Variants in FTO observed in about 807,000 individuals in gnomAD.
FTO encodes the protein alpha-ketoglutarate-dependent dioxygenase FTO.
FTO carries 47 observed loss-of-function variants against 63.9 expected under a neutral mutation model. The ratio of observed to expected loss-of-function variants is 0.74; its 90% CI spans 0.58 to 0.94. FTO has a LOEUF of 0.94. Ranked by LOEUF, FTO falls within the 40% of genes least tolerant of loss-of-function variation. FTO has a pLI of 0.00. For synonymous variants in FTO, 207 were observed against 224.4 expected (o/e 0.92, Z 0.69); for missense variants, 562 against 618.1 (o/e 0.91, Z 0.96).
At chr16:53,732,344 C>G (rs1041567493) in intron 1 of FTO, among the ~76,000 whole-genome samples, 1 of 152,234 alleles carries the variant, frequency 6.6e-6, no homozygotes, top group Non-Finnish European at 1.5e-5. Flanking sequence ...AGCCACCATG[C>G]CTGGCCCATT....
chr16:53,991,417 C>G (rs2143908052), intron 8 of FTO: 1 of 152,248 alleles, frequency 6.6e-6, no homozygotes, highest in South Asian at 2.1e-4. Context: ...CCGGGAGAAG[C>G]CAGGACAGAG....
At chr16:53,787,179 C>T (rs945332469) in intron 1 of FTO, among the ~76,000 whole-genome samples, 1 of 133,286 alleles carries the variant, frequency 7.5e-6, no homozygotes, top group Admixed American at 7.8e-5. Flanking sequence ...AGAGCGCATA[C>T]ACCTTCAATT....
intron 1 of FTO, among the ~76,000 whole-genome samples, chr16:53,783,615 A>ATC (rs2077649961): frequency 3.4e-5 from 5 of 149,202 alleles, no homozygotes; most frequent in South Asian, 2.1e-4. Flanking sequence ...AAAAAAAAAA[A>ATC]AAAAAAAAAA....
chr16:54,111,634 G>A (rs557376157), intron 8 of FTO, 128 bp from the exon 9 acceptor site: 60 of 963,358 alleles, frequency 6.2e-5, no homozygotes, highest in South Asian at 3.8e-4. Flanking sequence ...TCATTCAGTC[G>A]TCACCATGAC....
intron 1 of FTO, among the ~76,000 whole-genome samples, chr16:53,728,164 A>T (rs1206105794): frequency 1.3e-5 from 2 of 152,016 alleles, no homozygotes; most frequent in Non-Finnish European, 2.9e-5. Flanking sequence ...CCTTGAGCCC[A>T]GGAGTTTGAG....
intron 1 of FTO, among the ~76,000 whole-genome samples, chr16:53,787,053 G>C (rs1431060140): frequency 3.1e-5 from 4 of 130,732 alleles, no homozygotes; most frequent in Non-Finnish European, 6.2e-5. Flanking sequence ...AGAGGTTGCA[G>C]TGAGCCAAGG....
At chr16:53,893,663 T>TAA (rs775279662) in intron 7 of FTO, among the ~76,000 whole-genome samples, 2 of 145,444 alleles carry the variant, frequency 1.4e-5, no homozygotes. Flanking sequence ...CTATTGACCT[T>TAA]AAAAAAAAAA....
chr16:54,005,068 TAAAAAAAAAA>T (rs777739385), intron 8 of FTO, among the ~76,000 whole-genome samples: 5 of 97,778 alleles, frequency 5.1e-5, no homozygotes, highest in East Asian at 2.8e-4. Context: ...AGGCTCCGTC[TAAAAAAAAAA>T]AAAAAAAAAA....
chr16:53,979,967 G>A (rs1208567884), intron 8 of FTO, among the ~76,000 whole-genome samples: 1 of 152,144 alleles, frequency 6.6e-6, no homozygotes, highest in Admixed American at 6.5e-5. Flanking sequence ...TCAATCTGGT[G>A]TCTGGATCTT....
At chr16:53,992,810 A>G (rs1409377262) in intron 8 of FTO, 3 of 152,196 alleles carry the variant, frequency 2.0e-5, no homozygotes, top group African/African-American at 4.8e-5. Flanking sequence ...GACACCAAAC[A>G]AGAACATAGC....
chr16:53,727,648 G>T (rs938787991), intron 1 of FTO, among the ~76,000 whole-genome samples: 5 of 152,210 alleles, frequency 3.3e-5, no homozygotes, highest in Non-Finnish European at 7.3e-5. Flanking sequence ...TATTCTGGAA[G>T]TGTATGGAAA....
At chr16:53,988,296 T>C (rs943954867) in intron 8 of FTO, among the ~76,000 whole-genome samples, 1 of 152,232 alleles carries the variant, frequency 6.6e-6, no homozygotes, top group African/African-American at 2.4e-5. Context: ...GGTGACCTGT[T>C]AAATAACTTA....
At chr16:53,880,112 A>C in intron 6 of FTO, 125 bp downstream of exon 6, 1 of 711,434 alleles carries the variant, frequency 1.4e-6, no homozygotes, top group Non-Finnish European at 2.4e-6. Flanking sequence ...CTCCTGTCTC[A>C]AGCTCCCGAA....
At chr16:53,842,423 A>G (rs1178429607) in intron 3 of FTO, among the ~76,000 whole-genome samples, 6 of 152,328 alleles carry the variant, frequency 3.9e-5, no homozygotes, top group Admixed American at 1.3e-4. Flanking sequence ...TTAACTTTTA[A>G]AAGTTTTTAT....
chr16:54,072,402 A>C (rs2085891994), intron 8 of FTO: 1 of 152,260 alleles, frequency 6.6e-6, no homozygotes, highest in African/African-American at 2.4e-5. Context: ...CAGGGCTGGC[A>C]GGAGTGTCTC....
chr16:54,073,398 C>G (rs1276378936), intron 8 of FTO, among the ~76,000 whole-genome samples: 2 of 152,072 alleles, frequency 1.3e-5, no homozygotes, highest in Non-Finnish European at 2.9e-5. Context: ...GACTTTGAAA[C>G]ATCTCTCCTC....
chr16:53,721,855 C>T (rs896631025), intron 1 of FTO, among the ~76,000 whole-genome samples: 4 of 152,074 alleles, frequency 2.6e-5, no homozygotes, highest in Admixed American at 6.5e-5. Flanking sequence ...TTAAACCATT[C>T]ATTTCAATCG....
At chr16:53,867,791 G>T (rs2080370841) in intron 4 of FTO, among the ~76,000 whole-genome samples, 2 of 152,108 alleles carry the variant, frequency 1.3e-5, no homozygotes, top group African/African-American at 4.8e-5. Context: ...CTGATAGAGG[G>T]ATGTTGACAT....
intron 1 of FTO, among the ~76,000 whole-genome samples, chr16:53,801,306 A>C (rs2078215460): frequency 6.6e-6 from 1 of 151,966 alleles, no homozygotes; most frequent in East Asian, 1.9e-4. Context: ...TCTTTCTTGA[A>C]GTATTACTGT....
Sources: allele counts gnomAD v4.1 joint callset (sites outside exome capture counted in the v4.1 genomes callset), GRCh38; gene constraint gnomAD v4.1.1; transcripts MANE v1.5; gene names NCBI Gene and HGNC (gene_info 2026-07-23, HGNC 2026-07-21).